Variants in SYCE1L observed in about 807,000 individuals in gnomAD.
The protein encoded by SYCE1L is synaptonemal complex central element protein 1-like.
SYCE1L carries 51 observed loss-of-function variants against 39.6 expected under a neutral mutation model. That is an observed-to-expected ratio of 1.29 (90% confidence interval 1.03 to 1.63). The LOEUF (loss-of-function observed/expected upper bound fraction) is 1.63. Ranked by LOEUF, SYCE1L falls within the 40% of genes most tolerant of loss-of-function variation. The pLI, the probability that SYCE1L is intolerant of heterozygous loss-of-function variation, is 0.00. For missense variants in SYCE1L, 426 were observed against 304.9 expected (o/e 1.40, Z -2.96); for synonymous variants, 147 against 122.4 (o/e 1.20, Z -1.33).
At position 77,202,783 on chromosome 16, in the gene SYCE1L, A is replaced by G. The variant is rs113674308; in HGVS notation, c.61+3271A>G. Among the ~76,000 whole-genome samples, 1,018 of 152,300 alleles carry G rather than the reference A, an allele frequency of 6.7e-3. 9 individuals carry two copies. Among genetic ancestry groups the G allele is most frequent in the African/African-American group, 0.023 (941 of 41,562 alleles). ...CCGGGGGCTTGCTTAAAAATAATTCAACCCAGGAAAAACATAGCTGAAATA... is the reference window on the plus strand; with the variant it reads ...CCGGGGGCTTGCTTAAAAATAATTCGACCCAGGAAAAACATAGCTGAAATA... On this transcript the variant is annotated intron_variant, in intron 1 of 10. Coordinates refer to ENST00000378644, the MANE Select transcript of SYCE1L (RefSeq NM_001129979.3).
At chr16:77,199,609 A>T (rs2054708575) in intron 1 of SYCE1L, 97 bp downstream of exon 1, 4 of 1,021,528 alleles carry the variant, frequency 3.9e-6, no homozygotes, top group Non-Finnish European at 5.7e-6. Flanking sequence ...TGATATTCTA[A>T]TTTTTTTAAA....
At position 77,212,374 on chromosome 16, in the gene SYCE1L, G is replaced by A. The variant is rs1358728296; in HGVS notation, c.581+5G>A. On this transcript the variant is annotated splice_donor_5th_base_variant and intron_variant, in intron 9 of 10. Transcript: ENST00000378644. ...CGCCATGGCGGTGAATGACGGGTGA[G>A]AGGGGAAGGGAGGAGTGGGCGAGGA... The A allele has an allele frequency of 2.6e-6, 4 of 1,526,588 alleles. No individual in the cohort carries two copies. In the African/African-American group the frequency reaches 4.2e-5, roughly 16 times the overall value. The allele number at this position is 1,526,588 out of a possible 1,614,324, so 94.6% of individuals were successfully genotyped here. A position where few individuals can be genotyped will look rare whatever the true frequency, so the allele number is the denominator to read the frequency against.
At chr16:77,208,575 C>T (rs767196366) in intron 4 of SYCE1L, 36 bp downstream of exon 4, 2 of 1,545,358 alleles carry the variant, frequency 1.3e-6, no homozygotes, top group South Asian at 1.2e-5. Flanking sequence ...ATCAACACTG[C>T]AGATGTTCCT....
At chr16:77,210,517 T>TA (rs1555503188) in intron 6 of SYCE1L, among the ~76,000 whole-genome samples, 1 of 152,118 alleles carries the variant, frequency 6.6e-6, no homozygotes, top group Non-Finnish European at 1.5e-5. Flanking sequence ...ACAATGATAA[T>TA]TATAGGAGTT....
chr16:77,210,676 C>T (rs909819604), intron 6 of SYCE1L, among the ~76,000 whole-genome samples: 1 of 152,092 alleles, frequency 6.6e-6, no homozygotes, highest in Non-Finnish European at 1.5e-5. Context: ...TGCCAAATTA[C>T]CACACGCCTC....
intron 1 of SYCE1L, among the ~76,000 whole-genome samples, chr16:77,204,745 A>G (rs946935910): frequency 6.6e-6 from 1 of 152,140 alleles, no homozygotes; most frequent in African/African-American, 2.4e-5. Context: ...TACCACTTAC[A>G]TAGAAAATGT....
intron 1 of SYCE1L, among the ~76,000 whole-genome samples, chr16:77,202,883 C>G (rs942685691): frequency 7.9e-6 from 1 of 125,920 alleles, no homozygotes; most frequent in Non-Finnish European, 1.8e-5. Context: ...CCTCTCTACT[C>G]TCATGTGCAT....
intron 6 of SYCE1L, 59 bp downstream of exon 6, chr16:77,209,530 C>T: frequency 6.5e-7 from 1 of 1,531,798 alleles, no homozygotes. Flanking sequence ...AAGGAGGGAG[C>T]AAGAGCTGTG....
Position 77,208,062 on chromosome 16 carries a change from T to A in SYCE1L, c.122-148T>A, listed in dbSNP as rs1405208976. The A allele has an allele frequency of 6.5e-6, 5 of 765,482 alleles. No individual in the cohort carries two copies. In the East Asian group the frequency reaches 1.1e-4, roughly 17 times the overall value. 47.4% of individuals were successfully genotyped at this position (765,482 alleles called of 1,614,324 possible). On this transcript the variant is annotated intron_variant, in intron 2 of 10. Transcript: ENST00000378644. ...CTTGCCAACCCAGAATGCAAGCCCT[T>A]CAAGGGGCTCTGGCAGAGCTCAACA...
chr16:77,200,299 C>CATATATATATATA (rs2054724969), intron 1 of SYCE1L: 1 of 76,016 alleles, frequency 1.3e-5, no homozygotes, highest in African/African-American at 5.0e-5. Context: ...TATACACACA[C>CATATATATATATA]TAATCAGCCG....
chr16:77,199,550 A>G, intron 1 of SYCE1L, 38 bp downstream of exon 1: 1 of 1,462,004 alleles, frequency 6.8e-7, no homozygotes, highest in Non-Finnish European at 9.4e-7. Flanking sequence ...TTTCTCTCCA[A>G]CCAGGGCAGA....
intron 1 of SYCE1L, among the ~76,000 whole-genome samples, chr16:77,204,147 G>A (rs11865641): frequency 0.35 from 53,742 of 151,858 alleles, 9,938 homozygotes; most frequent in Admixed American, 0.45. Flanking sequence ...CAGGTGAAAG[G>A]CAATTTCCTA....
At position 77,212,572 on chromosome 16, in the gene SYCE1L, A is replaced by G. The variant is rs2054832520; in HGVS notation, c.582-2A>G. ...CCTGTCTCCTCGGCCCCTTCTCCGC[A>G]GGCTGAAGGCGGAGCTGGAGATATT... is the stretch of plus-strand genomic sequence containing the variant. On this transcript the variant is annotated splice_acceptor_variant, in intron 9 of 10. Transcript: ENST00000378644. LOFTEE classifies it high-confidence loss of function. The G allele has an allele frequency of 6.5e-7, 1 of 1,536,212 alleles. No homozygotes were observed. Among genetic ancestry groups the G allele is most frequent in the Non-Finnish European group, 8.7e-7 (1 of 1,146,456 alleles).
chr16:77,209,426 G>C lies in SYCE1L; in HGVS notation c.314G>C (p.Arg105Thr), dbSNP rs1216838154. Residue 105 changes from arginine (R) to threonine (T), a missense_variant, in exon 6 of 11, where the codon AGG (arginine) becomes ACG (threonine). By Grantham distance (71) the Arg-to-Thr change is moderately conservative. Transcript: ENST00000378644. ...EVLGKKQEALRILQMHCQEKE... is the reference protein window; with the variant it reads ...EVLGKKQEALTILQMHCQEKE... ...GGTTCCTTCCCCACAGAGGCACTGA[G>C]GATCCTCCAGATGCACTGCCAAGAG... 1 of 1,551,678 alleles carries C rather than the reference G, an allele frequency of 6.4e-7. No individual in the cohort carries two copies. Among genetic ancestry groups the C allele is most frequent in the Admixed American group, 2.0e-5 (1 of 51,008 alleles).
intron 1 of SYCE1L, chr16:77,200,892 T>C (rs2054734962): frequency 6.6e-6 from 1 of 152,208 alleles, no homozygotes; most frequent in Admixed American, 6.5e-5. Context: ...AGCCCATGTG[T>C]ACCTATCAGT....
At chr16:77,210,318 G>A (rs1259932605) in intron 6 of SYCE1L, among the ~76,000 whole-genome samples, 1 of 152,144 alleles carries the variant, frequency 6.6e-6, no homozygotes, top group Non-Finnish European at 1.5e-5. Context: ...GGGATTACAG[G>A]CGTGAGCTAC....
In SYCE1L at chr16:77,212,377, G is replaced by C. The variant is rs747328336; in HGVS notation, c.581+8G>C. 6.5e-7 allele frequency: 1 copy of C among 1,527,894 alleles called. No individual in the cohort carries two copies. Among genetic ancestry groups the C allele is most frequent in the South Asian group, 1.2e-5 (1 of 82,122 alleles). 94.6% of individuals were successfully genotyped at this position (1,527,894 alleles called of 1,614,324 possible). A position where few individuals can be genotyped will look rare whatever the true frequency, so the allele number is the denominator to read the frequency against. On this transcript the variant is annotated splice_region_variant and intron_variant, in intron 9 of 10. Transcript: ENST00000378644. ...CATGGCGGTGAATGACGGGTGAGAG[G>C]GGAAGGGAGGAGTGGGCGAGGAGGG... is the stretch of plus-strand genomic sequence containing the variant.
At chr16:77,210,766 A>G (rs1012370308) in intron 6 of SYCE1L, among the ~76,000 whole-genome samples, 48 of 152,294 alleles carry the variant, frequency 3.2e-4, no homozygotes, top group African/African-American at 1.1e-3. Flanking sequence ...GAGGCCCATG[A>G]AGGTTCTCAT....
chr16:77,205,679 T>G (rs1329558753), intron 1 of SYCE1L, among the ~76,000 whole-genome samples: 1 of 152,104 alleles, frequency 6.6e-6, no homozygotes. Context: ...ATTTAATGTG[T>G]TTTCCTGCCC....
Sources: allele counts gnomAD v4.1 joint callset (sites outside exome capture counted in the v4.1 genomes callset), GRCh38; gene constraint gnomAD v4.1.1; transcripts MANE v1.5; gene names NCBI Gene and HGNC (gene_info 2026-07-23, HGNC 2026-07-21).